The following SORCS2 variants were observed in gnomAD, a reference collection of about 807,000 sequenced individuals.
SORCS2 encodes sortilin related VPS10 domain containing receptor 2.
In SORCS2, 100 loss-of-function variants were observed where a neutral mutation model predicts 141.6. The ratio of observed to expected loss-of-function variants is 0.71; its 90% CI spans 0.60 to 0.83. SORCS2 has a LOEUF of 0.83. SORCS2 is among the 40% of genes least tolerant of loss of function. SORCS2 has a pLI of 0.00. For missense variants in SORCS2, 1,646 were observed against 1,560.2 expected, an observed-to-expected ratio of 1.05 and a Z score of -0.93; for synonymous variants, 789 against 676.9, an observed-to-expected ratio of 1.17 and a Z score of -2.57.
chr4:7,700,521 C>A (rs370239998), intron 12 of SORCS2, among the ~76,000 whole-genome samples: 1 of 152,176 alleles, frequency 6.6e-6, no homozygotes, highest in African/African-American at 2.4e-5. Context: ...AACTGTGGAA[C>A]GTTCTTCTTC....
chr4:7,207,540 TG>T (rs1183546633), intron 1 of SORCS2, among the ~76,000 whole-genome samples: 2 of 152,172 alleles, frequency 1.3e-5, no homozygotes, highest in Non-Finnish European at 2.9e-5. Context: ...CCTCCAGGCC[TG>T]GGTTCCCTCA....
intron 2 of SORCS2, among the ~76,000 whole-genome samples, chr4:7,426,085 C>G (rs1454584992): frequency 6.6e-6 from 1 of 152,214 alleles, no homozygotes; most frequent in African/African-American, 2.4e-5. Flanking sequence ...TTCTCCATCG[C>G]TTGCTGTTCA....
chr4:7,342,159 G>T (rs922466340), intron 1 of SORCS2, among the ~76,000 whole-genome samples: 1 of 152,202 alleles, frequency 6.6e-6, no homozygotes, highest in African/African-American at 2.4e-5. Flanking sequence ...CCCATTCAAG[G>T]ACTGAGTGCC....
At chr4:7,724,657 GTTATGGTGATA>G (rs1726987852) in intron 19 of SORCS2, among the ~76,000 whole-genome samples, 1 of 130,602 alleles carries the variant, frequency 7.7e-6, no homozygotes, top group African/African-American at 2.8e-5. Context: ...GATGGTGGTA[GTTATGGTGATA>G]ATGGTGGTAG....
chr4:7,350,750 T>C (rs7681365), intron 1 of SORCS2, among the ~76,000 whole-genome samples: 75,756 of 152,058 alleles, frequency 0.5, 19,650 homozygotes, highest in African/African-American at 0.64. Flanking sequence ...ATGCTGTTGG[T>C]CACACTGCTT....
intron 5 of SORCS2, among the ~76,000 whole-genome samples, chr4:7,658,296 T>C (rs1258563260): frequency 6.7e-6 from 1 of 149,994 alleles, no homozygotes; most frequent in Non-Finnish European, 1.5e-5. Context: ...AATGAGTGAG[T>C]GGGTGAGTGA....
chr4:7,242,289 A>G (rs1712754556), intron 1 of SORCS2, among the ~76,000 whole-genome samples: 1 of 152,010 alleles, frequency 6.6e-6, no homozygotes, highest in East Asian at 1.9e-4. Flanking sequence ...TTGAACTCCT[A>G]GGCTCAAGGG....
intron 1 of SORCS2, among the ~76,000 whole-genome samples, chr4:7,258,149 AT>A (rs898773508): frequency 6.2e-4 from 95 of 152,192 alleles, no homozygotes; most frequent in African/African-American, 1.7e-3. Flanking sequence ...TTTTAAAAAA[AT>A]TTTTTTTTAA....
intron 19 of SORCS2, among the ~76,000 whole-genome samples, chr4:7,724,238 A>G (rs899175774): frequency 2.1e-5 from 3 of 144,250 alleles, no homozygotes; most frequent in African/African-American, 5.3e-5. Flanking sequence ...GGTGGTAGTG[A>G]TGATGGTGAC....
At chr4:7,420,981 A>G (rs1161407856) in intron 2 of SORCS2, among the ~76,000 whole-genome samples, 4 of 152,178 alleles carry the variant, frequency 2.6e-5, no homozygotes, top group South Asian at 2.1e-4. Flanking sequence ...GCACGTGCGT[A>G]CCAGCAGATG....
intron 1 of SORCS2, among the ~76,000 whole-genome samples, chr4:7,239,369 T>C (rs576080236): frequency 6.6e-6 from 1 of 152,370 alleles, no homozygotes; most frequent in African/African-American, 2.4e-5. Context: ...GCTCCCCTGC[T>C]GGTCTCTATA....
At chr4:7,455,108 A>T (rs1728800096) in intron 2 of SORCS2, among the ~76,000 whole-genome samples, 3 of 67,648 alleles carry the variant, frequency 4.4e-5, no homozygotes, top group Admixed American at 1.5e-4. Context: ...TGTTGGGGTC[A>T]GGAGCTGTGT....
rs542617409 is a variant in SORCS2, at chr4:7,258,207, G to T, written c.480+65081G>T. 3.9e-5 allele frequency among the ~76,000 whole-genome samples: 6 copies of T among 152,280 alleles called. No individual in the cohort carries two copies. In the East Asian group the frequency reaches 1.2e-3, roughly 29 times the overall value. On this transcript the variant is annotated intron_variant, in intron 1 of 26. Transcript: ENST00000507866. ...GCATATGTGCAGAACGTGCAGGTTT[G>T]TTACGTAGGTACACATATGCCATGG...
intron 1 of SORCS2, among the ~76,000 whole-genome samples, chr4:7,253,800 C>T (rs1053850546): frequency 2.0e-5 from 3 of 152,264 alleles, no homozygotes; most frequent in Non-Finnish European, 4.4e-5. Flanking sequence ...ACTGAATCCA[C>T]CTCCTGAAGA....
At chr4:7,393,471 A>G (rs1723995612) in intron 1 of SORCS2, among the ~76,000 whole-genome samples, 1 of 152,260 alleles carries the variant, frequency 6.6e-6, no homozygotes, top group Non-Finnish European at 1.5e-5. Flanking sequence ...TTCTGAAAAC[A>G]CAGGCTTTCA....
chr4:7,305,613 G>A (rs1464803208), intron 1 of SORCS2, among the ~76,000 whole-genome samples: 1 of 152,198 alleles, frequency 6.6e-6, no homozygotes. Context: ...GGCTTAGTGT[G>A]AGAGAAGCTG....
At chr4:7,387,823 T>G (rs1374329874) in intron 1 of SORCS2, among the ~76,000 whole-genome samples, 47 of 101,556 alleles carry the variant, frequency 4.6e-4, no homozygotes, top group East Asian at 1.0e-3. Flanking sequence ...GATACAGAGA[T>G]ACACATGCAC....
chr4:7,625,182 TTCCTGACAGTCAATTCTGTAA>T (rs1477922169), intron 3 of SORCS2, among the ~76,000 whole-genome samples: 7 of 152,172 alleles, frequency 4.6e-5, no homozygotes, highest in Non-Finnish European at 1.0e-4. Flanking sequence ...AACCAGCTCT[TTCCTGACAGTCAATTCTGTAA>T]TCGTGTTTGA....
chr4:7,723,638 A>G, intron 18 of SORCS2, 59 bp from the exon 19 acceptor site: 2 of 1,578,192 alleles, frequency 1.3e-6, no homozygotes, highest in Non-Finnish European at 1.7e-6. Flanking sequence ...TGAATGAACC[A>G]CTCTGGCCCC....
Sources: gnomAD v4.1 joint callset for allele counts (sites outside exome capture counted in the v4.1 genomes callset) on GRCh38, gnomAD v4.1.1 for gene constraint, MANE v1.5 for transcripts, NCBI Gene and HGNC (gene_info 2026-07-23, HGNC 2026-07-21) for gene names.